CD109: variants seen among roughly 807,000 people sequenced by gnomAD.
CD109 encodes the protein CD109 molecule, also known as CD109 antigen.
CD109 carries 149 observed loss-of-function variants against 165.8 expected under a neutral mutation model. That is an observed-to-expected ratio of 0.90 (90% CI 0.79 to 1.03). The LOEUF is 1.03. Among genes scored for constraint, CD109 ranks in the 50% least tolerant of loss-of-function variants. CD109 has a pLI of 0.00. For synonymous variants in CD109, 585 were observed against 592.1 expected (o/e 0.99, Z 0.18); for missense variants, 1,712 against 1,677.8 (o/e 1.02, Z -0.36).
chr6:73,826,087 T>C lies in CD109; in HGVS notation c.*2454T>C, dbSNP rs1051525413. 4.6e-5 allele frequency: 7 copies of C among 152,200 alleles called. No homozygotes were observed. The highest frequency in any genetic ancestry group is 1.4e-4 in the African/African-American group (6 of 41,456). 9.4% of individuals were successfully genotyped at this position (152,200 alleles called of 1,614,324 possible). On this transcript the variant is annotated 3_prime_UTR_variant, in exon 33 of 33. Transcript: ENST00000287097. ...AGGAACATAAAGGGTTAGCTAGCAC[T>C]GTCTCCTGGTGCATGGGGCTGTGCA... is the stretch of plus-strand genomic sequence containing the variant.
At chr6:73,707,707 A>G (rs1472958500) in intron 2 of CD109, among the ~76,000 whole-genome samples, 2 of 152,128 alleles carry the variant, frequency 1.3e-5, no homozygotes, top group African/African-American at 4.8e-5. Context: ...GAGATGTGCC[A>G]GGAGTATAAA....
At chr6:73,809,906 C>T in intron 26 of CD109, 78 bp from the exon 27 acceptor site, 1 of 1,096,814 alleles carries the variant, frequency 9.1e-7, no homozygotes, top group South Asian at 1.5e-5. Flanking sequence ...CAACTTGGAC[C>T]AGAGTAGGAA....
chr6:73,779,234 A>G (rs1232063959), intron 15 of CD109, among the ~76,000 whole-genome samples: 3 of 148,254 alleles, frequency 2.0e-5, no homozygotes, highest in Non-Finnish European at 3.0e-5. Flanking sequence ...ATGTTGTAGC[A>G]TGTATCAGAG....
At chr6:73,739,097 C>T (rs377531384) in intron 5 of CD109, among the ~76,000 whole-genome samples, 5 of 152,140 alleles carry the variant, frequency 3.3e-5, no homozygotes, top group African/African-American at 9.7e-5. Flanking sequence ...TTTCTTAAAA[C>T]GAATGTGTGA....
rs368689099 is a variant in CD109 at position 73,768,044 on chromosome 6, G to A, written c.1498-11G>A. ...TGGCAATAAATTAAACCCATCTACT[G>A]TTCTTTTCAGGTAGTATCCAGGGGA... On this transcript the variant is annotated splice_polypyrimidine_tract_variant and intron_variant, in intron 13 of 32. Transcript: ENST00000287097. The A allele has an allele frequency of 1.2e-5, 19 of 1,609,604 alleles. No homozygotes were observed. The highest frequency in any genetic ancestry group is 1.6e-5 in the Non-Finnish European group (19 of 1,177,296).
chr6:73,813,683 G>A lies in CD109; in HGVS notation c.3769-1298G>A, dbSNP rs560575507. On this transcript the variant is annotated intron_variant, in intron 29 of 32. Transcript: ENST00000287097. ...TGCAGTAAATATTACCCTCTTTTGG[G>A]TAATAAAATACTAAACTGTTGGAAA... Among the ~76,000 whole-genome samples, 4 of 152,202 alleles carry A rather than the reference G, an allele frequency of 2.6e-5. No individual in the cohort carries two copies. The South Asian group carries it at 8.3e-4, about 32-fold the overall frequency.
chr6:73,726,873 A>T (rs1417680084), intron 3 of CD109, among the ~76,000 whole-genome samples: 1 of 152,158 alleles, frequency 6.6e-6, no homozygotes, highest in Non-Finnish European at 1.5e-5. Context: ...TCACTGTGGG[A>T]ACTGCACCTT....
chr6:73,686,669 T>C, the CD109 span, among the ~76,000 whole-genome samples: 2 of 152,102 alleles, frequency 1.3e-5, no homozygotes, highest in South Asian at 4.1e-4. Flanking sequence ...AAAAATTCAA[T>C]TTCTCAGTTA....
At chr6:73,758,594 G>C (rs1773490251) in intron 6 of CD109, among the ~76,000 whole-genome samples, 1 of 152,028 alleles carries the variant, frequency 6.6e-6, no homozygotes, top group Admixed American at 6.6e-5. Context: ...ATGCTGGCCA[G>C]GCTGGTCTTG....
intron 6 of CD109, among the ~76,000 whole-genome samples, chr6:73,757,873 C>T (rs1283914196): frequency 6.6e-6 from 1 of 151,988 alleles, no homozygotes; most frequent in Non-Finnish European, 1.5e-5. Flanking sequence ...TTTAGACAGC[C>T]CTGATCTAGA....
At chr6:73,791,033 T>A (rs1774908797) in intron 22 of CD109, among the ~76,000 whole-genome samples, 1 of 150,962 alleles carries the variant, frequency 6.6e-6, no homozygotes. Flanking sequence ...TTTTTTACAG[T>A]TCTTTTATAT....
rs144449020 is a variant in CD109 at position 73,697,405 on chromosome 6, G to C, written c.80G>C (p.Arg27Pro). Residue 27 changes from arginine (R) to proline (P), a missense_variant, in exon 2 of 33, where the codon CGG becomes CCG. Physicochemically the swap from Arg to Pro is moderately radical, Grantham distance 103. Coordinates refer to ENST00000287097, the MANE Select transcript of CD109 (RefSeq NM_133493.5). The stretch of plus-strand genomic sequence containing the variant: ...CCTTGTTGGGAACTCTTTAGGCCTC[G>C]GTTTCTGGTGACAGCCCCAGGGATC... ...TAALAVAPGP[R>P]FLVTAPGIIR... 2 of 1,613,594 alleles carry C rather than the reference G, an allele frequency of 1.2e-6. No individual in the cohort carries two copies. Among genetic ancestry groups the C allele is most frequent in the African/African-American group, 2.7e-5 (2 of 74,870 alleles).
chr6:73,692,389 ATATTAT>A (rs1294995636), upstream of CD109, among the ~76,000 whole-genome samples: 1 of 152,178 alleles, frequency 6.6e-6, no homozygotes, highest in Non-Finnish European at 1.5e-5. Context: ...TACTAAAATA[ATATTAT>A]TATTGTTTTC....
At chr6:73,795,211 A>T (rs1263734586) in intron 23 of CD109, among the ~76,000 whole-genome samples, 1 of 128,984 alleles carries the variant, frequency 7.8e-6, no homozygotes, top group Non-Finnish European at 1.6e-5. Flanking sequence ...TTAATACAAT[A>T]AGGTAAAATA....
chr6:73,736,963 C>T (rs1300139499), intron 5 of CD109, among the ~76,000 whole-genome samples: 3 of 152,190 alleles, frequency 2.0e-5, no homozygotes, highest in African/African-American at 7.2e-5. Context: ...TTTTCCCTAG[C>T]TTCTACACCT....
intron 24 of CD109, among the ~76,000 whole-genome samples, chr6:73,804,756 TGAAGCGTGTTG>T (rs1775504079): frequency 6.6e-6 from 1 of 152,268 alleles, no homozygotes; most frequent in African/African-American, 2.4e-5. Flanking sequence ...TGGGGCTGAC[TGAAGCGTGTTG>T]GAGCTCTTCT....
At position 73,783,712 on chromosome 6, in the gene CD109, G is replaced by T; in HGVS notation, c.2111G>T (p.Arg704Met). 1.3e-6 allele frequency: 2 copies of T among 1,590,626 alleles called. No individual in the cohort carries two copies. Among genetic ancestry groups the T allele is most frequent in the Non-Finnish European group, 1.7e-6 (2 of 1,159,332 alleles). Residue 704 changes from arginine (R) to methionine (M), a missense_variant, in exon 19 of 33, where the codon AGG becomes ATG. Physicochemically the swap from Arg to Met is moderately conservative, Grantham distance 91. Coordinates refer to ENST00000287097, the MANE Select transcript of CD109 (RefSeq NM_133493.5). ...ATTTATTATCTTGACTTCAGTTACA[G>T]GATTTACCAAGAATTTGAAGTAACT... Reference protein sequence around the residue: ...WIWLDTNMGYRIYQEFEVTVP... With the variant: ...WIWLDTNMGYMIYQEFEVTVP...
intron 5 of CD109, among the ~76,000 whole-genome samples, chr6:73,753,233 T>C (rs1773261584): frequency 6.6e-6 from 1 of 152,218 alleles, no homozygotes; most frequent in Non-Finnish European, 1.5e-5. Context: ...CTAAAATATT[T>C]ACTATCCCAC....
At position 73,767,943 on chromosome 6, in the gene CD109, G is replaced by A. The variant is rs564245348; in HGVS notation, c.1498-112G>A. 3.2e-4 allele frequency: 282 copies of A among 873,476 alleles called. 3 individuals carry two copies. Among genetic ancestry groups the A allele is most frequent in the South Asian group, 3.0e-3 (192 of 64,900 alleles). 54.1% of individuals were successfully genotyped at this position (873,476 alleles called of 1,614,324 possible). On this transcript the variant is annotated intron_variant, in intron 13 of 32. Coordinates refer to ENST00000287097, the MANE Select transcript of CD109 (RefSeq NM_133493.5). ...TTCCTGCATTCCAAAAGACTTTGAA[G>A]CTGGTTTAATTCAAGAATTTGTGTG... is the stretch of plus-strand genomic sequence containing the variant.
Sources: allele counts gnomAD v4.1 joint callset (sites outside exome capture counted in the v4.1 genomes callset), GRCh38; gene constraint gnomAD v4.1.1; transcripts MANE v1.5; gene names NCBI Gene and HGNC (gene_info 2026-07-23, HGNC 2026-07-21).